The following CMSS1 variants were observed in gnomAD, a reference collection of about 807,000 sequenced individuals.
The protein encoded by CMSS1 is protein CMSS1.
In CMSS1, 33 loss-of-function variants were observed where a neutral mutation model predicts 43.5. That is an observed-to-expected ratio of 0.76 (90% CI 0.57 to 1.01). CMSS1 has a LOEUF of 1.01. Ranked by LOEUF, CMSS1 falls within the 50% of genes least tolerant of loss-of-function variation. The pLI is 0.00. For missense variants in CMSS1, 313 were observed against 326.4 expected, an observed-to-expected ratio of 0.96 and a Z score of 0.32; for synonymous variants, 115 against 117.2, an observed-to-expected ratio of 0.98 and a Z score of 0.12.
intron 1 of CMSS1, among the ~76,000 whole-genome samples, chr3:100,083,547 G>T (rs181596620): frequency 1.2e-4 from 19 of 152,308 alleles, no homozygotes; most frequent in Admixed American, 5.2e-4. Flanking sequence ...TTCCCGTCTT[G>T]TCTCTGATGC....
intron 1 of CMSS1, among the ~76,000 whole-genome samples, chr3:99,987,376 A>G (rs1037647654): frequency 6.6e-6 from 1 of 151,784 alleles, no homozygotes; most frequent in Non-Finnish European, 1.5e-5. Context: ...TAAAAATACA[A>G]AAATTAACGG....
At position 100,137,524 on chromosome 3, in the gene CMSS1, A is replaced by T. The variant is rs375033624; in HGVS notation, c.65-9449A>T. ...GATGTTAATATACATACACCCCAATAATTGATAGATAAAAGAGATTAAAAT... is the reference window on the plus strand; with the variant it reads ...GATGTTAATATACATACACCCCAATTATTGATAGATAAAAGAGATTAAAAT... On this transcript the variant is annotated intron_variant, in intron 1 of 9. Coordinates refer to ENST00000421999, the MANE Select transcript of CMSS1 (RefSeq NM_032359.4). Among the ~76,000 whole-genome samples, 7 of 152,238 alleles carry T rather than the reference A, an allele frequency of 4.6e-5. No individual in the cohort carries two copies. The South Asian group carries it at 1.5e-3, about 32-fold the overall frequency.
chr3:99,958,432 C>T (rs939101195), intron 1 of CMSS1, among the ~76,000 whole-genome samples: 2 of 151,884 alleles, frequency 1.3e-5, no homozygotes, highest in African/African-American at 4.8e-5. Context: ...TGTGACTGAG[C>T]CCAGCAGGAA....
At chr3:99,894,268 T>A (rs950130669) in intron 1 of CMSS1, among the ~76,000 whole-genome samples, 2 of 152,186 alleles carry the variant, frequency 1.3e-5, no homozygotes, top group Non-Finnish European at 2.9e-5. Context: ...AAGATCTGTA[T>A]CTGAAAAGGT....
At chr3:99,869,834 T>G (rs1456349753) in intron 1 of CMSS1, among the ~76,000 whole-genome samples, 1 of 152,210 alleles carries the variant, frequency 6.6e-6, no homozygotes, top group African/African-American at 2.4e-5. Context: ...GTTCCAGGAC[T>G]GGTGGGCCAT....
Position 99,829,885 on chromosome 3 carries a change from A to G in CMSS1, c.64+11842A>G, listed in dbSNP as rs372265047. Among the ~76,000 whole-genome samples the G allele has an allele frequency of 5.3e-5, 8 of 152,322 alleles. No homozygotes were observed. The East Asian group carries it at 5.8e-4, about 11-fold the overall frequency. ...TTTGTTATGCTTTTCCTCCTTTAAG[A>G]ATTATCACTTTGCTTTTTCCCTCCT... On this transcript the variant is annotated intron_variant, in intron 1 of 9. Coordinates refer to ENST00000421999, the MANE Select transcript of CMSS1 (RefSeq NM_032359.4).
At chr3:99,996,552 TAGTC>T (rs1211584634) in intron 1 of CMSS1, among the ~76,000 whole-genome samples, 1 of 152,172 alleles carries the variant, frequency 6.6e-6, no homozygotes, top group African/African-American at 2.4e-5. Flanking sequence ...TTGACTGTAT[TAGTC>T]AGTTTTCATG....
chr3:99,985,699 C>G (rs754145748), intron 1 of CMSS1, among the ~76,000 whole-genome samples: 4 of 152,016 alleles, frequency 2.6e-5, no homozygotes, highest in Non-Finnish European at 5.9e-5. Flanking sequence ...AGCAATTCTC[C>G]TGCCTCAGCC....
At chr3:99,911,381 T>G (rs1706782474) in intron 1 of CMSS1, among the ~76,000 whole-genome samples, 1 of 151,180 alleles carries the variant, frequency 6.6e-6, no homozygotes, top group South Asian at 2.1e-4. Flanking sequence ...TTAAGTTGTT[T>G]CCAAATTTGA....
rs1707116382 is a variant in CMSS1 at position 99,921,289 on chromosome 3, T to C, written c.64+103246T>C. Among the ~76,000 whole-genome samples, 3 of 152,202 alleles carry C rather than the reference T, an allele frequency of 2.0e-5. No homozygotes were observed. In the South Asian group the frequency reaches 6.2e-4, roughly 32 times the overall value. On this transcript the variant is annotated intron_variant, in intron 1 of 9. Transcript: ENST00000421999. The stretch of plus-strand genomic sequence containing the variant: ...CACCTCCTCTGAGCGTTTATTTACC[T>C]GAAGTCATTAGTTTCCCCCACTTCC...
intron 1 of CMSS1, among the ~76,000 whole-genome samples, chr3:99,822,456 C>T (rs148793517): frequency 1.3e-5 from 2 of 152,158 alleles, no homozygotes; most frequent in African/African-American, 2.4e-5. Context: ...TGCGGCCAGG[C>T]GCAGTGGCTC....
chr3:99,905,212 C>G (rs1341727575), intron 1 of CMSS1, among the ~76,000 whole-genome samples: 4 of 152,228 alleles, frequency 2.6e-5, no homozygotes, highest in African/African-American at 9.6e-5. Context: ...TATTTCTCCC[C>G]TGGGACTATC....
At chr3:100,119,988 T>G (rs1041943974) in intron 1 of CMSS1, among the ~76,000 whole-genome samples, 1 of 152,242 alleles carries the variant, frequency 6.6e-6, no homozygotes. Flanking sequence ...CTATAGGCAG[T>G]GTTTAAGTAT....
chr3:100,080,333 T>A (rs1301978139), intron 1 of CMSS1, among the ~76,000 whole-genome samples: 1 of 151,966 alleles, frequency 6.6e-6, no homozygotes, highest in African/African-American at 2.4e-5. Flanking sequence ...GAAAAAAAAA[T>A]TTAATAACTC....
At chr3:100,013,781 G>T (rs1046900043) in intron 1 of CMSS1, among the ~76,000 whole-genome samples, 2 of 152,106 alleles carry the variant, frequency 1.3e-5, no homozygotes, top group African/African-American at 4.8e-5. Flanking sequence ...ATTAAATCCA[G>T]CTAATCAACA....
intron 1 of CMSS1, chr3:99,851,077 A>T: frequency 6.4e-7 from 1 of 1,564,320 alleles, no homozygotes; most frequent in Non-Finnish European, 8.6e-7. Context: ...TAATCTGAAA[A>T]ATGTAAAGTG....
At chr3:99,849,265 G>A (rs1184514945) in intron 1 of CMSS1, 2 of 1,614,136 alleles carry the variant, frequency 1.2e-6, no homozygotes, top group African/African-American at 1.3e-5. Context: ...ATTGTCTACT[G>A]CTTCTGTCTG....
intron 1 of CMSS1, among the ~76,000 whole-genome samples, chr3:99,999,088 C>G (rs1424325248): frequency 6.6e-6 from 1 of 152,204 alleles, no homozygotes; most frequent in Non-Finnish European, 1.5e-5. Flanking sequence ...TCATATATAT[C>G]TCAGTTACTG....
Position 99,910,554 on chromosome 3 carries a change from C to T in CMSS1, c.64+92511C>T, listed in dbSNP as rs550429299. On this transcript the variant is annotated intron_variant, in intron 1 of 9. Transcript: ENST00000421999. ...TGTTGTTATATCCAGTACCCCTTACCACTTTCCAAGGAAACAATTTTTGTA... is the reference window on the plus strand; with the variant it reads ...TGTTGTTATATCCAGTACCCCTTACTACTTTCCAAGGAAACAATTTTTGTA... 1.8e-4 allele frequency among the ~76,000 whole-genome samples: 24 copies of T among 136,676 alleles called. 6 individuals are homozygous for T. Among genetic ancestry groups the T allele is most frequent in the Admixed American group, 1.1e-3 (14 of 12,844 alleles). The allele number at this position is 136,676 out of a possible 152,430, so 89.7% of individuals were successfully genotyped here.
Sources: allele counts gnomAD v4.1 joint callset (sites outside exome capture counted in the v4.1 genomes callset), GRCh38; gene constraint gnomAD v4.1.1; transcripts MANE v1.5; gene names NCBI Gene and HGNC (gene_info 2026-07-23, HGNC 2026-07-21).